The following STAG1 variants were observed in gnomAD, a reference collection of about 807,000 sequenced individuals.
STAG1 encodes STAG1 cohesin complex component, also known as cohesin subunit SA-1.
A neutral mutation model predicts 170.9 loss-of-function variants in STAG1; 26 were observed. That is an observed-to-expected ratio of 0.15 (90% CI 0.11 to 0.21). STAG1 has a LOEUF of 0.21. Ranked by LOEUF, STAG1 falls within the 10% of genes least tolerant of loss-of-function variation. The pLI is 1.00. For synonymous variants in STAG1, 514 were observed against 497.7 expected (o/e 1.03, Z -0.44); for missense variants, 964 against 1,509.5 (o/e 0.64, Z 5.99).
At chr3:136,451,000 C>T (rs1411918154) in intron 14 of STAG1, among the ~76,000 whole-genome samples, 2 of 152,066 alleles carry the variant, frequency 1.3e-5, no homozygotes, top group Admixed American at 6.6e-5. Flanking sequence ...CTGCCCACCT[C>T]GGCCTCCCAA....
chr3:136,747,210 T>C (rs946823792), intron 1 of STAG1, among the ~76,000 whole-genome samples: 1 of 149,674 alleles, frequency 6.7e-6, no homozygotes, highest in Non-Finnish European at 1.5e-5. Flanking sequence ...GAAGCGAAGG[T>C]TGCAGTAAGC....
chr3:136,736,599 C>G, intron 1 of STAG1: 1 of 1,574,936 alleles, frequency 6.3e-7, no homozygotes, highest in Non-Finnish European at 8.7e-7. Context: ...GCTGTCCACA[C>G]AACCATCTCG....
chr3:136,399,604 C>T (rs937609087), intron 21 of STAG1, among the ~76,000 whole-genome samples: 4 of 152,068 alleles, frequency 2.6e-5, no homozygotes, highest in East Asian at 1.9e-4. Context: ...ACTCCCTATT[C>T]GTCTATCATT....
chr3:136,519,645 GA>G (rs1040254080), intron 7 of STAG1, among the ~76,000 whole-genome samples: 11 of 150,090 alleles, frequency 7.3e-5, no homozygotes, highest in African/African-American at 2.4e-4. Context: ...ATAAAGAAAA[GA>G]AAAAAAGCAA....
At chr3:136,539,655 C>G (rs996133262) in intron 6 of STAG1, among the ~76,000 whole-genome samples, 9 of 152,176 alleles carry the variant, frequency 5.9e-5, no homozygotes, top group Non-Finnish European at 1.0e-4. Context: ...CTAGCTCTAT[C>G]AAGAGCGAAG....
chr3:136,610,787 G>C (rs1266393622), intron 3 of STAG1, among the ~76,000 whole-genome samples: 1 of 152,120 alleles, frequency 6.6e-6, no homozygotes, highest in Non-Finnish European at 1.5e-5. Flanking sequence ...GAAGTTCTAA[G>C]GGTTTTGACA....
chr3:136,376,949 C>T (rs965720287), intron 23 of STAG1, among the ~76,000 whole-genome samples: 3 of 151,614 alleles, frequency 2.0e-5, no homozygotes, highest in Admixed American at 6.6e-5. Flanking sequence ...TGCCACCATG[C>T]CCGGCTAATT....
chr3:136,500,158 GC>G (rs2107862817), intron 9 of STAG1, 64 bp downstream of exon 9: 1 of 1,066,496 alleles, frequency 9.4e-7, no homozygotes, highest in East Asian at 2.5e-5. Context: ...GTTAGCCTGG[GC>G]CACAAAAAAA....
intron 8 of STAG1, among the ~76,000 whole-genome samples, chr3:136,501,740 T>C (rs989328659): frequency 6.6e-6 from 1 of 152,232 alleles, no homozygotes; most frequent in African/African-American, 2.4e-5. Flanking sequence ...CGTTGCTTTT[T>C]CTTGCCTATT....
At chr3:136,545,353 C>A (rs1158200423) in intron 5 of STAG1, among the ~76,000 whole-genome samples, 1 of 152,158 alleles carries the variant, frequency 6.6e-6, no homozygotes, top group African/African-American at 2.4e-5. Context: ...CAGGCGTGAG[C>A]CACCGTGCCT....
intron 14 of STAG1, among the ~76,000 whole-genome samples, chr3:136,447,491 G>T (rs2088816710): frequency 6.6e-6 from 1 of 150,654 alleles, no homozygotes; most frequent in Non-Finnish European, 1.5e-5. Context: ...AATAAAAAAA[G>T]AAGAAGGGTG....
At chr3:136,391,599 T>A (rs1372884746) in intron 22 of STAG1, among the ~76,000 whole-genome samples, 1 of 152,104 alleles carries the variant, frequency 6.6e-6, no homozygotes, top group Non-Finnish European at 1.5e-5. Flanking sequence ...ATGGTCTTGA[T>A]CTCTTGACCT....
chr3:136,487,107 C>A (rs2090032822), intron 9 of STAG1, among the ~76,000 whole-genome samples: 1 of 151,290 alleles, frequency 6.6e-6, no homozygotes, highest in African/African-American at 2.4e-5. Context: ...ACCTATTGAC[C>A]CGTCCTCTAA....
chr3:136,645,493 C>T (rs568659935), intron 1 of STAG1, among the ~76,000 whole-genome samples: 1 of 152,342 alleles, frequency 6.6e-6, no homozygotes, highest in Admixed American at 6.5e-5. Flanking sequence ...TTCTTCCATA[C>T]CTCTAGATCT....
At chr3:136,559,540 T>C (rs1014512689) in intron 5 of STAG1, among the ~76,000 whole-genome samples, 5 of 152,144 alleles carry the variant, frequency 3.3e-5, no homozygotes, top group African/African-American at 4.8e-5. Context: ...ATTGGGGTAT[T>C]TATACACTAA....
intron 4 of STAG1, among the ~76,000 whole-genome samples, chr3:136,593,487 T>C (rs1048103745): frequency 6.6e-6 from 1 of 152,192 alleles, no homozygotes; most frequent in African/African-American, 2.4e-5. Context: ...CCTTTTTAAA[T>C]GGAAAATCCA....
At chr3:136,528,646 T>C (rs548279732) in intron 6 of STAG1, among the ~76,000 whole-genome samples, 2 of 151,342 alleles carry the variant, frequency 1.3e-5, no homozygotes, top group Admixed American at 6.6e-5. Flanking sequence ...ACCAAAGAAA[T>C]AGATATCATT....
chr3:136,736,570 TG>T (rs1221791594), intron 1 of STAG1: 3 of 1,517,286 alleles, frequency 2.0e-6, no homozygotes, highest in Non-Finnish European at 1.8e-6. Flanking sequence ...CCCTTTGTAT[TG>T]GCTTGGAAGT....
At position 136,337,402 on chromosome 3, in the gene STAG1, C is replaced by T. The variant is rs568107151; in HGVS notation, c.*852G>A. ...AAACTGATAACTTGAGAATCATTTT[C>T]GTTTTACTGAGAATACTTTATTTGC... On this transcript the variant is annotated 3_prime_UTR_variant, in exon 34 of 34. Transcript: ENST00000383202. 4 of 152,588 alleles carry T rather than the reference C, an allele frequency of 2.6e-5. No homozygotes were observed. The highest frequency in any genetic ancestry group is 6.5e-5 in the Admixed American group (1 of 15,276). 9.5% of individuals were successfully genotyped at this position (152,588 alleles called of 1,614,324 possible). A position where few individuals can be genotyped will look rare whatever the true frequency, so the allele number is the denominator to read the frequency against.
Sources: gnomAD v4.1 joint callset for allele counts (sites outside exome capture counted in the v4.1 genomes callset) on GRCh38, gnomAD v4.1.1 for gene constraint, MANE v1.5 for transcripts, NCBI Gene and HGNC (gene_info 2026-07-23, HGNC 2026-07-21) for gene names.